SMARCA2: variants seen among roughly 807,000 people sequenced by gnomAD.
SMARCA2 encodes the protein SWI/SNF related BAF chromatin remodeling complex subunit ATPase 2.
In SMARCA2, 61 loss-of-function variants were observed where a neutral mutation model predicts 199.8. That is an observed-to-expected ratio of 0.31 (90% CI 0.25 to 0.38). SMARCA2 has a LOEUF of 0.38. Among genes scored for constraint, SMARCA2 ranks in the 10% least tolerant of loss-of-function variants. The probability of loss-of-function intolerance (pLI) is 1.00; values close to 1 mark genes in which losing one functional copy is unlikely to be tolerated. For missense variants in SMARCA2, 1,344 were observed against 2,012.2 expected, an observed-to-expected ratio of 0.67 and a Z score of 6.35; for synonymous variants, 935 against 732.0, an observed-to-expected ratio of 1.28 and a Z score of -4.48.
intron 27 of SMARCA2, among the ~76,000 whole-genome samples, chr9:2,128,184 AT>A (rs1015238728): frequency 5.9e-5 from 9 of 152,164 alleles, no homozygotes; most frequent in Non-Finnish European, 8.8e-5. Context: ...TAAGCACGGC[AT>A]TGGGGGCGAG....
At chr9:2,101,656 G>T in intron 22 of SMARCA2, 40 bp downstream of exon 22, 2 of 1,108,628 alleles carry the variant, frequency 1.8e-6, no homozygotes, top group Non-Finnish European at 2.7e-6. Context: ...AAAAAATGTT[G>T]TTGGCCTTAC....
At chr9:2,026,524 A>G (rs1818839042) in intron 1 of SMARCA2, among the ~76,000 whole-genome samples, 1 of 152,256 alleles carries the variant, frequency 6.6e-6, no homozygotes, top group African/African-American at 2.4e-5. Context: ...TGTGGAAAGT[A>G]GCATTATGGG....
At chr9:2,019,764 A>G (rs891538187) in intron 1 of SMARCA2, among the ~76,000 whole-genome samples, 7 of 152,018 alleles carry the variant, frequency 4.6e-5, no homozygotes, top group Admixed American at 1.3e-4. Flanking sequence ...AAGAGCATAA[A>G]AAGAAGAGTT....
At chr9:2,145,975 T>G (rs1824721432) in intron 27 of SMARCA2, among the ~76,000 whole-genome samples, 1 of 152,232 alleles carries the variant, frequency 6.6e-6, no homozygotes, top group Non-Finnish European at 1.5e-5. Flanking sequence ...AAGGTGGGAA[T>G]AAATATGGCA....
At chr9:2,040,600 G>A (rs1819562649) in intron 4 of SMARCA2, 2 of 152,322 alleles carry the variant, frequency 1.3e-5, no homozygotes, top group Admixed American at 6.5e-5. Context: ...TAGCATGAGA[G>A]TATAGAGTTG....
intron 21 of SMARCA2, among the ~76,000 whole-genome samples, chr9:2,099,341 A>G (rs753481780): frequency 9.9e-5 from 15 of 152,192 alleles, no homozygotes; most frequent in Non-Finnish European, 1.9e-4. Context: ...TAAGACATGT[A>G]TGGTAATCTA....
At position 2,171,992 on chromosome 9, in the gene SMARCA2, A is replaced by G. The variant is rs1029772162; in HGVS notation, c.4253+1520A>G. ...GGAACTAGATAAATTCATTTTCACT[A>G]AAGACACATTTAAACTGTAATTTCC... On this transcript the variant is annotated intron_variant, in intron 29 of 33. Coordinates refer to ENST00000349721, the MANE Select transcript of SMARCA2 (RefSeq NM_003070.5). 2.0e-5 allele frequency among the ~76,000 whole-genome samples: 3 copies of G among 152,354 alleles called. No homozygotes were observed. In the South Asian group the frequency reaches 6.2e-4, roughly 32 times the overall value.
intron 27 of SMARCA2, among the ~76,000 whole-genome samples, chr9:2,130,136 G>A (rs969237577): frequency 3.3e-5 from 5 of 152,186 alleles, no homozygotes; most frequent in Non-Finnish European, 2.9e-5. Context: ...TTACAGGCAT[G>A]AGCCACCATG....
Position 2,056,884 on chromosome 9 carries a change from A to G in SMARCA2, c.1347+39A>G. The G allele has an allele frequency of 1.3e-6, 2 of 1,585,898 alleles. No homozygotes were observed. Among genetic ancestry groups the G allele is most frequent in the South Asian group, 1.1e-5 (1 of 88,614 alleles). On this transcript the variant is annotated intron_variant, in intron 7 of 33. Coordinates refer to ENST00000349721, the MANE Select transcript of SMARCA2 (RefSeq NM_003070.5). This position sits in a 1 kb window ranked among gnomAD's most constrained non-coding sequence, Gnocchi z 4.0. Reference sequence around the variant, plus strand: ...GGGCTTTGCTCACCCTCACTTTGGCAGAGCTGTCCAATGAATTCATCAAAT... The same window carrying G: ...GGGCTTTGCTCACCCTCACTTTGGCGGAGCTGTCCAATGAATTCATCAAAT...
chr9:2,139,514 T>A (rs546209618), intron 27 of SMARCA2, among the ~76,000 whole-genome samples: 1 of 152,230 alleles, frequency 6.6e-6, no homozygotes, highest in South Asian at 2.1e-4. Flanking sequence ...ATCACTAAAA[T>A]GAACATTTGT....
At chr9:2,124,817 G>T (rs533616295) in intron 27 of SMARCA2, among the ~76,000 whole-genome samples, 4 of 152,158 alleles carry the variant, frequency 2.6e-5, no homozygotes, top group African/African-American at 9.7e-5. Flanking sequence ...TGTTCCATTC[G>T]AAGGGTTAGC....
chr9:2,064,034 C>G (rs1203072210), intron 9 of SMARCA2, among the ~76,000 whole-genome samples: 1 of 152,158 alleles, frequency 6.6e-6, no homozygotes, highest in Non-Finnish European at 1.5e-5. Flanking sequence ...GTATTGAAAA[C>G]CTAGTTATAC....
intron 27 of SMARCA2, among the ~76,000 whole-genome samples, chr9:2,143,496 A>G (rs1824563780): frequency 6.6e-6 from 1 of 152,208 alleles, no homozygotes; most frequent in African/African-American, 2.4e-5. Context: ...GGTCAAAGAA[A>G]GGGCAGGGAA....
intron 3 of SMARCA2, among the ~76,000 whole-genome samples, chr9:2,038,776 G>C (rs945418563): frequency 2.0e-5 from 3 of 152,064 alleles, no homozygotes; most frequent in Admixed American, 6.5e-5. Context: ...ATAAGACTCT[G>C]CTACTAGGGA....
chr9:2,135,085 C>T lies in SMARCA2; in HGVS notation c.3981+11148C>T, dbSNP rs1220326406. ...CTGCAAGTTGGAGACCCAGGAAAGC[C>T]AATGGTATAATTGAGTCCAAGTCTG... is the stretch of plus-strand genomic sequence containing the variant. On this transcript the variant is annotated intron_variant, in intron 27 of 33. Coordinates refer to ENST00000349721, the MANE Select transcript of SMARCA2 (RefSeq NM_003070.5). Among the ~76,000 whole-genome samples the T allele has an allele frequency of 4.6e-5, 7 of 152,134 alleles. 1 individual carries two copies. Among genetic ancestry groups the T allele is most frequent in the Admixed American group, 3.3e-4 (5 of 15,278 alleles).
At chr9:2,053,141 G>C (rs1312054287) in intron 5 of SMARCA2, among the ~76,000 whole-genome samples, 1 of 152,112 alleles carries the variant, frequency 6.6e-6, no homozygotes, top group Non-Finnish European at 1.5e-5. Flanking sequence ...CCCCCGTCTA[G>C]TAGTCCCCAG....
At chr9:2,033,905 C>T (rs533619697) in intron 3 of SMARCA2, among the ~76,000 whole-genome samples, 7 of 152,276 alleles carry the variant, frequency 4.6e-5, no homozygotes, top group African/African-American at 1.7e-4. Context: ...GGATTAGGGT[C>T]TTCCCTAATG....
chr9:2,060,651 T>C (rs980386346), intron 8 of SMARCA2, among the ~76,000 whole-genome samples, 165 bp from the exon 9 acceptor site: 2 of 152,196 alleles, frequency 1.3e-5, no homozygotes, highest in African/African-American at 2.4e-5. Context: ...TTCTGTGTGT[T>C]TGTCCCACTT....
chr9:2,038,373 A>C (rs1417512148), intron 3 of SMARCA2, among the ~76,000 whole-genome samples: 5 of 152,102 alleles, frequency 3.3e-5, no homozygotes, highest in Non-Finnish European at 7.4e-5. Context: ...TACCATTTCT[A>C]TACCCCCACC....
Sources: gnomAD v4.1 joint callset for allele counts (sites outside exome capture counted in the v4.1 genomes callset) on GRCh38, gnomAD v4.1.1 for gene constraint, Gnocchi (gnomAD v3.1) non-coding constraint, MANE v1.5 for transcripts, NCBI Gene and HGNC (gene_info 2026-07-23, HGNC 2026-07-21) for gene names.